KLF8: variants seen among roughly 807,000 people sequenced by gnomAD.
KLF8 encodes the protein KLF transcription factor 8.
KLF8 carries 10 observed loss-of-function variants against 18.2 expected under a neutral mutation model. The observed-to-expected ratio is 0.55, with a 90% confidence interval of 0.34 to 0.93. The LOEUF is 0.93. KLF8 is among the 40% of genes least tolerant of loss of function. The probability of loss-of-function intolerance (pLI) is 0.02; values close to 1 mark genes in which losing one functional copy is unlikely to be tolerated. For missense variants in KLF8, 264 were observed against 277.9 expected (o/e 0.95, Z 0.36); for synonymous variants, 109 against 97.3 (o/e 1.12, Z -0.71).
chrX:56,269,556 C>T, intron 4 of KLF8, 67 bp downstream of exon 4: 1 of 1,088,248 alleles, frequency 9.2e-7, no homozygotes, highest in African/African-American at 1.9e-5. Flanking sequence ...TGTACATTTG[C>T]ACATATGTAT....
the KLF8 span, among the ~76,000 whole-genome samples, chrX:56,065,433 A>AT: frequency 1.7e-4 from 19 of 111,723 alleles, no homozygotes; most frequent in African/African-American, 4.2e-4. Context: ...TATGATATCT[A>AT]TTTTTTGTAA....
chrX:56,242,162 C>G (rs767725695), intron 1 of KLF8, among the ~76,000 whole-genome samples: 5 of 112,037 alleles, frequency 4.5e-5, no homozygotes, highest in Non-Finnish European at 9.4e-5. Context: ...CTAGCACATT[C>G]CAAGGTAATT....
At chrX:55,999,402 G>T in the KLF8 span, among the ~76,000 whole-genome samples, 1 of 105,247 alleles carries the variant, frequency 9.5e-6, no homozygotes, top group South Asian at 4.3e-4. Context: ...TAGAAATTAT[G>T]TTGAATATGT....
At chrX:56,064,922 A>G in the KLF8 span, among the ~76,000 whole-genome samples, 1 of 111,272 alleles carries the variant, frequency 9.0e-6, no homozygotes, top group Non-Finnish European at 1.9e-5. Context: ...ATATTATCCA[A>G]TTCTCTCCTG....
At chrX:56,198,955 T>A in the KLF8 span, among the ~76,000 whole-genome samples, 1 of 111,457 alleles carries the variant, frequency 9.0e-6, no homozygotes, top group Non-Finnish European at 1.9e-5. Context: ...CACCATCTTA[T>A]CTGTGACAAT....
the KLF8 span, among the ~76,000 whole-genome samples, chrX:56,099,839 GT>G: frequency 4.4e-3 from 497 of 112,113 alleles, 1 homozygote; most frequent in African/African-American, 0.015. Context: ...GGTTCTTGAG[GT>G]TTAAGAAAAG....
the KLF8 span, among the ~76,000 whole-genome samples, chrX:55,957,602 G>T: frequency 8.9e-6 from 1 of 111,739 alleles, no homozygotes; most frequent in Non-Finnish European, 1.9e-5. Context: ...CACATGTCTT[G>T]TGCCTCCTTG....
At chrX:55,959,419 G>T in the KLF8 span, among the ~76,000 whole-genome samples, 1 of 111,969 alleles carries the variant, frequency 8.9e-6, no homozygotes, top group African/African-American at 3.3e-5. Context: ...TAACCAGACT[G>T]AAATGACAGA....
At chrX:56,217,764 G>A in the KLF8 span, among the ~76,000 whole-genome samples, 2 of 111,574 alleles carry the variant, frequency 1.8e-5, no homozygotes, top group Non-Finnish European at 3.8e-5. Flanking sequence ...TTGAACTCAA[G>A]AGTTAGAGCA....
the KLF8 span, among the ~76,000 whole-genome samples, chrX:56,105,977 A>G: frequency 9.0e-6 from 1 of 111,437 alleles, no homozygotes; most frequent in Non-Finnish European, 1.9e-5. Context: ...TCACTTATGA[A>G]GCTGAATTTG....
the KLF8 span, among the ~76,000 whole-genome samples, chrX:55,995,149 T>C: frequency 1.8e-5 from 2 of 112,364 alleles, no homozygotes; most frequent in Non-Finnish European, 3.8e-5. Context: ...TTTACCTTTA[T>C]GTAATGCCCT....
At chrX:55,991,707 T>C in the KLF8 span, among the ~76,000 whole-genome samples, 2 of 112,557 alleles carry the variant, frequency 1.8e-5, no homozygotes, top group African/African-American at 3.2e-5. Flanking sequence ...GCTAAACTTA[T>C]TTACGTTAAC....
chrX:56,062,287 A>G, the KLF8 span, among the ~76,000 whole-genome samples: 3 of 110,828 alleles, frequency 2.7e-5, no homozygotes, highest in South Asian at 7.5e-4. Flanking sequence ...GCAGGTTTTT[A>G]TAGTGGCTGG....
the KLF8 span, among the ~76,000 whole-genome samples, chrX:55,911,226 T>G: frequency 9.0e-6 from 1 of 111,705 alleles, no homozygotes; most frequent in Non-Finnish European, 1.9e-5. Context: ...TCATGTTTAG[T>G]AGATTGAGAA....
chrX:55,981,886 T>A, the KLF8 span, among the ~76,000 whole-genome samples: 1 of 112,051 alleles, frequency 8.9e-6, no homozygotes, highest in Admixed American at 9.5e-5. Context: ...TCCACCCACC[T>A]ATTCAGGTGA....
rs765267281 is a variant in KLF8 at position 56,269,396 on chromosome X, C to G, written c.665C>G (p.Ser222Cys). 9.9e-6 allele frequency: 12 copies of G among 1,208,519 alleles called. No individual in the cohort carries two copies. Among genetic ancestry groups the G allele is most frequent in the Non-Finnish European group, 1.3e-5 (12 of 894,138 alleles). ...CTTTTAGTGAAAGTTGACCCCACCT[C>G]CATGTCTCCACTGGAAATTCCAAGT... The part of the protein sequence containing the change: ...NAGSVKVDPT[S>C]MSPLEIPSDS... The change falls in exon 4 of 6, where the codon TCC becomes TGC. Residue 222 changes from serine to cysteine, a missense_variant. By Grantham distance (112) the Ser-to-Cys change is moderately radical. Around this residue, in one of 2 missense-constraint regions of KLF8, gnomAD observed 221 missense variants for 193.6 expected, o/e 1.14. Transcript: ENST00000468660.
chrX:56,270,327 C>T lies in KLF8; in HGVS notation c.898+6C>T. On this transcript the variant is annotated splice_donor_region_variant and intron_variant, in intron 5 of 5. Transcript: ENST00000468660. ...TCACCGCAGAATCCATACAGGTCTGCCCACTCCCATCTCACCCCCAACACA... is the reference window on the plus strand; with the variant it reads ...TCACCGCAGAATCCATACAGGTCTGTCCACTCCCATCTCACCCCCAACACA... 4.2e-6 allele frequency: 5 copies of T among 1,177,867 alleles called. No individual in the cohort carries two copies. The highest frequency in any genetic ancestry group is 5.7e-6 in the Non-Finnish European group (5 of 879,778).
At chrX:56,237,420 T>TC (rs2066490836) in intron 1 of KLF8, among the ~76,000 whole-genome samples, 1 of 108,671 alleles carries the variant, frequency 9.2e-6, no homozygotes, top group Non-Finnish European at 1.9e-5. Context: ...TGTGTGTGTT[T>TC]GTGTGTGTGT....
the KLF8 span, among the ~76,000 whole-genome samples, chrX:56,030,443 A>G: frequency 9.0e-6 from 1 of 111,634 alleles, no homozygotes; most frequent in Non-Finnish European, 1.9e-5. Context: ...GAGTCTGTAT[A>G]ATAGTTTGGA....
Sources: allele counts gnomAD v4.1 joint callset (sites outside exome capture counted in the v4.1 genomes callset), GRCh38; gene constraint gnomAD v4.1.1; regional missense constraint gnomAD v4.1.1; transcripts MANE v1.5; gene names NCBI Gene and HGNC (gene_info 2026-07-23, HGNC 2026-07-21).